The following BFAR variants were observed in gnomAD, a reference collection of about 807,000 sequenced individuals.
BFAR encodes bifunctional apoptosis regulator.
BFAR carries 52 observed loss-of-function variants against 54.4 expected under a neutral mutation model. The ratio of observed to expected loss-of-function variants is 0.96; its 90% CI spans 0.77 to 1.21. The LOEUF is 1.21. BFAR is among the 50% of genes most tolerant of loss of function. The probability of loss-of-function intolerance (pLI) is 0.00; values close to 1 mark genes in which losing one functional copy is unlikely to be tolerated. For missense variants in BFAR, 571 were observed against 534.0 expected, an observed-to-expected ratio of 1.07 and a Z score of -0.68; for synonymous variants, 215 against 204.3, an observed-to-expected ratio of 1.05 and a Z score of -0.45.
chr16:14,637,463 C>T (rs1032871622), intron 1 of BFAR, among the ~76,000 whole-genome samples: 2 of 152,042 alleles, frequency 1.3e-5, no homozygotes, highest in Non-Finnish European at 2.9e-5. Flanking sequence ...TCCATTTTCT[C>T]ATCTGTAAAA....
chr16:14,644,257 C>CT lies in BFAR; in HGVS notation c.-73-16dup. ...ACTACTATTTGCCTTATTTTTGTCT[C>CT]TGTTTTTTTTTTCTAGATTAATGAT... On this transcript the variant is annotated splice_polypyrimidine_tract_variant and intron_variant, in intron 1 of 7. Coordinates refer to ENST00000261658, the MANE Select transcript of BFAR (RefSeq NM_016561.3). The CT allele has an allele frequency of 7.6e-7, 1 of 1,316,960 alleles. No individual in the cohort carries two copies. Among genetic ancestry groups the CT allele is most frequent in the Non-Finnish European group, 1.1e-6 (1 of 949,868 alleles). 81.6% of individuals were successfully genotyped at this position (1,316,960 alleles called of 1,614,324 possible).
At chr16:14,649,221 A>G (rs1203266541) in intron 3 of BFAR, among the ~76,000 whole-genome samples, 1 of 151,948 alleles carries the variant, frequency 6.6e-6, no homozygotes, top group East Asian at 1.9e-4. Flanking sequence ...GATTACAGGC[A>G]TGCGCCACTA....
chr16:14,659,559 T>G (rs1297856385), intron 5 of BFAR, among the ~76,000 whole-genome samples: 1 of 146,510 alleles, frequency 6.8e-6, no homozygotes, highest in Non-Finnish European at 1.5e-5. Context: ...AGTATACTTC[T>G]TTTTTTTTTG....
At chr16:14,635,105 C>T (rs1192616453) in intron 1 of BFAR, among the ~76,000 whole-genome samples, 2 of 152,114 alleles carry the variant, frequency 1.3e-5, no homozygotes, top group Non-Finnish European at 2.9e-5. Flanking sequence ...GATGCCAAGG[C>T]GGGCAGATTG....
At chr16:14,662,088 A>G (rs769618453) in intron 6 of BFAR, 23 bp downstream of exon 6, 3 of 1,612,858 alleles carry the variant, frequency 1.9e-6, no homozygotes, top group East Asian at 2.2e-5. Context: ...AGTGCCTGGA[A>G]TAAAGTTATT....
intron 5 of BFAR, among the ~76,000 whole-genome samples, chr16:14,657,287 C>T (rs549368732): frequency 5.3e-5 from 8 of 151,680 alleles, no homozygotes; most frequent in Admixed American, 1.3e-4. Flanking sequence ...CTCGCTCTGT[C>T]GCCCAGGCTG....
At position 14,668,981 on chromosome 16, in the gene BFAR, T is replaced by A. The variant is rs973094208; in HGVS notation, c.*1154T>A. 2.3e-6 allele frequency: 1 copy of A among 441,734 alleles called. No individual in the cohort carries two copies. 27.4% of individuals were successfully genotyped at this position (441,734 alleles called of 1,614,324 possible). On this transcript the variant is annotated 3_prime_UTR_variant, in exon 8 of 8. Transcript: ENST00000261658. Reference sequence around the variant, plus strand: ...CAGCAGGTATAATTACACCAAGCGCTATAGTTATAAATATGGCATGAAGTG... The same window carrying A: ...CAGCAGGTATAATTACACCAAGCGCAATAGTTATAAATATGGCATGAAGTG...
intron 4 of BFAR, 191 bp downstream of exon 4, chr16:14,650,164 A>C (rs775396632): frequency 2.1e-6 from 1 of 483,900 alleles, no homozygotes; most frequent in East Asian, 3.5e-5. Context: ...TCTACTAAAA[A>C]TACAAAAAAA....
intron 1 of BFAR, among the ~76,000 whole-genome samples, chr16:14,638,905 A>G (rs1220589759): frequency 6.6e-6 from 1 of 152,100 alleles, no homozygotes; most frequent in Non-Finnish European, 1.5e-5. Context: ...AGATTGCACC[A>G]CTGCACTGTA....
Position 14,664,897 on chromosome 16 carries a change from G to GGA in BFAR, c.992_993dup (p.Phe332SerfsTer13). On this transcript the variant is annotated frameshift_variant, in exon 7 of 8. Coordinates refer to ENST00000261658, the MANE Select transcript of BFAR (RefSeq NM_016561.3). LOFTEE classifies it high-confidence loss of function. The stretch of plus-strand genomic sequence containing the variant: ...CTTAAGGAGCCTACGTGGAAGCAGT[G>GGA]GAGAGAGTTCCTGGTCAAATACTCC... 6.2e-7 allele frequency: 1 copy of GGA among 1,614,084 alleles called. No individual in the cohort carries two copies. The highest frequency in any genetic ancestry group is 2.2e-5 in the East Asian group (1 of 44,884).
intron 1 of BFAR, among the ~76,000 whole-genome samples, chr16:14,636,030 G>A (rs904468218): frequency 6.6e-6 from 1 of 152,078 alleles, no homozygotes; most frequent in Non-Finnish European, 1.5e-5. Flanking sequence ...TAATTTTGTA[G>A]TCACTATAAA....
At chr16:14,662,405 A>G (rs985861427) in intron 6 of BFAR, among the ~76,000 whole-genome samples, 17 of 152,196 alleles carry the variant, frequency 1.1e-4, no homozygotes, top group African/African-American at 4.1e-4. Flanking sequence ...AGCCTTGAAT[A>G]TAGTCTGAAG....
chr16:14,648,455 G>A lies in BFAR; in HGVS notation c.331G>A (p.Asp111Asn). The A allele has an allele frequency of 6.2e-7, 1 of 1,613,730 alleles. No homozygotes were observed. Among genetic ancestry groups the A allele is most frequent in the East Asian group, 2.2e-5 (1 of 44,884 alleles). Residue 111 changes from aspartate (D) to asparagine (N), a missense_variant, in exon 3 of 8, where the codon GAC (aspartate) becomes AAC (asparagine). By Grantham distance (23) the Asp-to-Asn change is conservative. Transcript: ENST00000261658. ...ATTTGAAGACATTCAGCAGAATAAT[G>A]ACATAGTCCAAAGTCTTGCAGCCTT... is the stretch of plus-strand genomic sequence containing the variant. ...LRFEDIQQNN[D>N]IVQSLAAFQK...
At chr16:14,665,569 G>A (rs1439292973) in intron 7 of BFAR, among the ~76,000 whole-genome samples, 1 of 152,128 alleles carries the variant, frequency 6.6e-6, no homozygotes, top group African/African-American at 2.4e-5. Flanking sequence ...CCAGACTCAG[G>A]GCTTGTATAC....
intron 1 of BFAR, among the ~76,000 whole-genome samples, chr16:14,641,834 C>G (rs574067233): frequency 6.6e-6 from 1 of 152,254 alleles, no homozygotes; most frequent in African/African-American, 2.4e-5. Flanking sequence ...TGCACTCCAG[C>G]CTGGGCAAAA....
At position 14,668,880 on chromosome 16, in the gene BFAR, C is replaced by A; in HGVS notation, c.*1053C>A. ...TCTGTAAAATAAATTCCGGGATAGT[C>A]GTTTTGTTCAAGGAAATGTTTTGTA... is the stretch of plus-strand genomic sequence containing the variant. On this transcript the variant is annotated 3_prime_UTR_variant, in exon 8 of 8. Coordinates refer to ENST00000261658, the MANE Select transcript of BFAR (RefSeq NM_016561.3). The A allele has an allele frequency of 1.2e-5, 2 of 165,590 alleles. No homozygotes were observed. The highest frequency in any genetic ancestry group is 2.4e-4 in the South Asian group (2 of 8,264). The allele number at this position is 165,590 out of a possible 1,614,324, so 10.3% of individuals were successfully genotyped here. A position where few individuals can be genotyped will look rare whatever the true frequency, so the allele number is the denominator to read the frequency against.
intron 7 of BFAR, 99 bp downstream of exon 7, chr16:14,665,170 C>T (rs1447586912): frequency 8.3e-7 from 1 of 1,205,204 alleles, no homozygotes; most frequent in Admixed American, 2.1e-5. Flanking sequence ...ATAAATCCTC[C>T]ATCCACCCAG....
chr16:14,650,153 C>T (rs1207649402), intron 4 of BFAR, 180 bp downstream of exon 4: 1 of 514,050 alleles, frequency 1.9e-6, no homozygotes. Flanking sequence ...GAAACCCCAT[C>T]TCTACTAAAA....
chr16:14,643,042 G>A (rs935999424), intron 1 of BFAR, among the ~76,000 whole-genome samples: 6 of 152,032 alleles, frequency 3.9e-5, no homozygotes, highest in Admixed American at 3.9e-4. Context: ...GCCAGATGTG[G>A]TGGCTCATAC....
Sources: gnomAD v4.1 joint callset for allele counts (sites outside exome capture counted in the v4.1 genomes callset) on GRCh38, gnomAD v4.1.1 for gene constraint, MANE v1.5 for transcripts, NCBI Gene and HGNC (gene_info 2026-07-23, HGNC 2026-07-21) for gene names.